The following KHDC1 variants were observed in gnomAD, a reference collection of about 807,000 sequenced individuals.
KHDC1 encodes KH homology domain-containing protein 1.
In KHDC1, 21 loss-of-function variants were observed where a neutral mutation model predicts 24.7. That is an observed-to-expected ratio of 0.85 (90% CI 0.60 to 1.23). The LOEUF is 1.23. Ranked by LOEUF, KHDC1 falls within the 50% of genes most tolerant of loss-of-function variation. The pLI is 0.00. For missense variants in KHDC1, 274 were observed against 298.5 expected (o/e 0.92, Z 0.61); for synonymous variants, 98 against 111.7 (o/e 0.88, Z 0.77).
At chr6:73,301,682 A>C (rs1232649300) in intron 1 of KHDC1, among the ~76,000 whole-genome samples, 1 of 151,972 alleles carries the variant, frequency 6.6e-6, no homozygotes, top group African/African-American at 2.4e-5. Flanking sequence ...CCCAGTCTGG[A>C]GTACAGTGGC....
At chr6:73,308,092 T>TG (rs1768004830) in intron 1 of KHDC1, among the ~76,000 whole-genome samples, 1 of 131,478 alleles carries the variant, frequency 7.6e-6, no homozygotes, top group Non-Finnish European at 1.6e-5. Flanking sequence ...TTTTTTTTTT[T>TG]GAGACAGAGT....
At chr6:73,241,677 A>C (rs775405936) in exon 5 of KHDC1, 1 of 1,614,186 alleles carries the variant, frequency 6.2e-7, no homozygotes, top group East Asian at 2.2e-5. Context: ...GGAGGTGACC[A>C]GGTCATCGTT....
intron 2 of KHDC1, chr6:73,290,914 A>G (rs139984167): frequency 1.7e-4 from 63 of 363,812 alleles, no homozygotes; most frequent in Middle Eastern, 1.0e-3. Context: ...AGGAAGCTCA[A>G]TCACTGAGTC....
intron 2 of KHDC1, chr6:73,290,869 G>A (rs971349857): frequency 5.6e-6 from 2 of 355,782 alleles, no homozygotes; most frequent in African/African-American, 4.2e-5. Context: ...ATTCTCCTCT[G>A]AGCTATGTGG....
rs557020157 is a variant in KHDC1 at position 73,281,338 on chromosome 6, A to C, written c.206+10660T>G. Among the ~76,000 whole-genome samples, 448 of 147,892 alleles carry C rather than the reference A, an allele frequency of 3.0e-3. 2 individuals are homozygous for C. The highest frequency in any genetic ancestry group is 4.9e-3 in the Non-Finnish European group (329 of 66,640). On this transcript the variant is annotated intron_variant, in intron 2 of 4. Coordinates refer to ENST00000370384, the Ensembl canonical transcript of KHDC1. ...TGGGTGACAGAACGAGACTCTCTCA[A>C]AAAAAAAAACAAAAAACCACCTGGG...
At chr6:73,290,076 C>A (rs1415897434) in intron 2 of KHDC1, among the ~76,000 whole-genome samples, 9 of 123,870 alleles carry the variant, frequency 7.3e-5, no homozygotes, top group Non-Finnish European at 9.6e-5. Flanking sequence ...GTCCGCAGTC[C>A]GGCCTGGGCA....
At chr6:73,256,246 G>A (rs186794326) in intron 2 of KHDC1, among the ~76,000 whole-genome samples, 4 of 152,144 alleles carry the variant, frequency 2.6e-5, no homozygotes, top group Admixed American at 1.3e-4. Context: ...CCTACTATTC[G>A]GCAGGTGCTG....
At chr6:73,247,960 G>A (rs1399294648) in intron 2 of KHDC1, among the ~76,000 whole-genome samples, 2 of 152,022 alleles carry the variant, frequency 1.3e-5, no homozygotes, top group East Asian at 1.9e-4. Flanking sequence ...AAAAAGCAGG[G>A]TGCAGCAAGC....
At position 73,248,364 on chromosome 6, in the gene KHDC1, GTC is replaced by G. The variant is rs139528627; in HGVS notation, c.207-5836_207-5835del. ...AATCCGATGTTCCACTTCTCTCTCT[GTC>G]TCTCTCTCTCTCTCTCTCCTCTATC... On this transcript the variant is annotated intron_variant, in intron 2 of 4. Coordinates refer to ENST00000370384, the Ensembl canonical transcript of KHDC1. Among the ~76,000 whole-genome samples, 1,313 of 146,958 alleles carry G rather than the reference GTC, an allele frequency of 8.9e-3. 30 individuals carry two copies. The highest frequency in any genetic ancestry group is 0.089 in the East Asian group (445 of 4,994).
chr6:73,241,873 C>T (rs1766575772), intron 4 of KHDC1, 145 bp from the exon 4 acceptor site: 1 of 1,067,744 alleles, frequency 9.4e-7, no homozygotes, highest in Admixed American at 2.6e-5. Context: ...TCCCAGCTAC[C>T]TCTCCACCTT....
intron 2 of KHDC1, among the ~76,000 whole-genome samples, chr6:73,243,572 T>G (rs779260105): frequency 6.6e-6 from 1 of 152,230 alleles, no homozygotes; most frequent in Non-Finnish European, 1.5e-5. Context: ...GAACAAGATG[T>G]ACTAGTCAAA....
intron 2 of KHDC1, 123 bp from the exon 2 acceptor site, chr6:73,242,653 G>T: frequency 8.4e-7 from 1 of 1,187,068 alleles, no homozygotes; most frequent in Non-Finnish European, 1.2e-6. Flanking sequence ...CTACCTTAGG[G>T]TGGGTGTACA....
chr6:73,241,501 C>A, exon 5 of KHDC1: 1 of 1,606,414 alleles, frequency 6.2e-7, no homozygotes, highest in South Asian at 1.1e-5. Context: ...CCTCTCATCC[C>A]CACTTCCCAG....
chr6:73,281,066 T>G (rs1767395512), intron 2 of KHDC1, among the ~76,000 whole-genome samples: 1 of 151,648 alleles, frequency 6.6e-6, no homozygotes, highest in South Asian at 2.1e-4. Context: ...AAAATTAGCC[T>G]GGCATGGTGG....
At chr6:73,308,671 A>T (rs1332226805) in intron 1 of KHDC1, among the ~76,000 whole-genome samples, 1 of 150,396 alleles carries the variant, frequency 6.6e-6, no homozygotes, top group African/African-American at 2.5e-5. Context: ...CTAATTTTTC[A>T]TATTTTTTTG....
At chr6:73,300,611 A>G (rs575011879) in intron 1 of KHDC1, 1 of 152,286 alleles carries the variant, frequency 6.6e-6, no homozygotes, top group East Asian at 1.9e-4. Context: ...ACTGCTTGGC[A>G]CATACAATGT....
At chr6:73,293,692 ACCTGGGATTACAAGT>A (rs926730914) in intron 1 of KHDC1, among the ~76,000 whole-genome samples, 5 of 152,048 alleles carry the variant, frequency 3.3e-5, no homozygotes, top group Non-Finnish European at 7.4e-5. Flanking sequence ...GAATCACTTG[ACCTGGGATTACAAGT>A]GTAATCCCAG....
At chr6:73,309,751 A>G in exon 1 of KHDC1, 1 of 1,548,090 alleles carries the variant, frequency 6.5e-7, no homozygotes, top group Non-Finnish European at 8.7e-7. Flanking sequence ...GGGTGCGCTA[A>G]GGCACGAGTA....
chr6:73,268,850 G>C (rs1767125666), intron 2 of KHDC1: 1 of 153,318 alleles, frequency 6.5e-6, no homozygotes, highest in South Asian at 2.1e-4. Flanking sequence ...GGAGGTGCCT[G>C]CCAGTCCCGC....
Sources: gnomAD v4.1 joint callset for allele counts (sites outside exome capture counted in the v4.1 genomes callset) on GRCh38, gnomAD v4.1.1 for gene constraint, MANE v1.5 for transcripts, NCBI Gene and HGNC (gene_info 2026-07-23, HGNC 2026-07-21) for gene names.